The following TMC1 variants were observed in gnomAD, a reference collection of about 807,000 sequenced individuals.
TMC1 encodes transmembrane channel like 1.
A neutral mutation model predicts 105.8 loss-of-function variants in TMC1; 84 were observed. The observed-to-expected ratio is 0.79, with a 90% CI of 0.67 to 0.95. The LOEUF is 0.95. Ranked by LOEUF, TMC1 falls within the 40% of genes least tolerant of loss-of-function variation. TMC1 has a pLI of 0.00. For missense variants in TMC1, 817 were observed against 914.1 expected (o/e 0.89, Z 1.37); for synonymous variants, 315 against 311.5 (o/e 1.01, Z -0.12).
At chr9:72,530,629 T>A (rs1327426524) in intron 1 of TMC1, among the ~76,000 whole-genome samples, 1 of 152,024 alleles carries the variant, frequency 6.6e-6, no homozygotes, top group Non-Finnish European at 1.5e-5. Context: ...CTGTGCTTCT[T>A]GTTTTCTCTT....
At chr9:72,743,602 A>AT (rs756077421) in intron 10 of TMC1, among the ~76,000 whole-genome samples, 12 of 150,896 alleles carry the variant, frequency 8.0e-5, no homozygotes, top group Non-Finnish European at 1.5e-4. Flanking sequence ...AAGAAAAAAA[A>AT]CGAAGTCTTA....
At chr9:72,585,568 C>T (rs11143335) in intron 2 of TMC1, among the ~76,000 whole-genome samples, 68,421 of 151,972 alleles carry the variant, frequency 0.45, 17,449 homozygotes, top group African/African-American at 0.7. Context: ...TGGATTTTCC[C>T]ACAAAGAGAG....
chr9:72,745,929 T>G (rs555792572), intron 10 of TMC1, among the ~76,000 whole-genome samples: 30 of 152,318 alleles, frequency 2.0e-4, no homozygotes, highest in African/African-American at 6.5e-4. Context: ...CAGCTCAACA[T>G]TCTATGATGT....
chr9:72,607,985 G>T (rs10521449), intron 2 of TMC1: 1 of 151,988 alleles, frequency 6.6e-6, no homozygotes, highest in Non-Finnish European at 1.5e-5. Flanking sequence ...TGGTCACTTC[G>T]GAGCATTTTA....
intron 8 of TMC1, among the ~76,000 whole-genome samples, chr9:72,708,974 T>C (rs1041136531): frequency 4.6e-5 from 7 of 151,258 alleles, no homozygotes; most frequent in Non-Finnish European, 8.8e-5. Context: ...GGATGCTGGT[T>C]TTTGTCAAAT....
At chr9:72,633,778 G>A (rs751471216) in intron 4 of TMC1, among the ~76,000 whole-genome samples, 4 of 152,062 alleles carry the variant, frequency 2.6e-5, no homozygotes, top group Non-Finnish European at 4.4e-5. Flanking sequence ...ATGTGTGGAG[G>A]TTTTTCTACA....
chr9:72,804,509 C>A (rs1828535456), intron 17 of TMC1, among the ~76,000 whole-genome samples: 1 of 152,154 alleles, frequency 6.6e-6, no homozygotes, highest in Non-Finnish European at 1.5e-5. Context: ...ATTGTGCAGA[C>A]ATTTAATTTG....
At chr9:72,629,816 A>G (rs951117203) in intron 4 of TMC1, among the ~76,000 whole-genome samples, 15 of 152,060 alleles carry the variant, frequency 9.9e-5, no homozygotes, top group African/African-American at 3.4e-4. Flanking sequence ...ACCTTTTAAA[A>G]TTGTCTCAAT....
intron 1 of TMC1, among the ~76,000 whole-genome samples, chr9:72,523,350 G>T (rs1247693498): frequency 1.3e-5 from 2 of 152,088 alleles, no homozygotes; most frequent in African/African-American, 4.8e-5. Flanking sequence ...CCCTTGCGTA[G>T]TCAAAAATCT....
intron 2 of TMC1, among the ~76,000 whole-genome samples, chr9:72,602,564 G>T (rs1434444177): frequency 1.3e-5 from 2 of 151,828 alleles, no homozygotes; most frequent in Non-Finnish European, 1.5e-5. Flanking sequence ...TAGTAGAGAT[G>T]GGGTTTCACC....
intron 8 of TMC1, among the ~76,000 whole-genome samples, chr9:72,731,309 T>G (rs923820986): frequency 6.6e-6 from 1 of 152,160 alleles, no homozygotes; most frequent in Non-Finnish European, 1.5e-5. Context: ...GGATAACTAC[T>G]GCAGAAAGGT....
intron 1 of TMC1, among the ~76,000 whole-genome samples, chr9:72,557,227 C>G (rs181268901): frequency 1.3e-5 from 2 of 152,056 alleles, no homozygotes; most frequent in East Asian, 1.9e-4. Flanking sequence ...AAACAATAGC[C>G]GGGCGTGGTG....
At chr9:72,798,421 A>G (rs1828410513) in intron 17 of TMC1, among the ~76,000 whole-genome samples, 1 of 152,116 alleles carries the variant, frequency 6.6e-6, no homozygotes, top group Non-Finnish European at 1.5e-5. Flanking sequence ...TGTTCATTGC[A>G]GCACTATTCA....
chr9:72,827,939 C>T (rs1318020995), intron 21 of TMC1, among the ~76,000 whole-genome samples: 2 of 152,112 alleles, frequency 1.3e-5, no homozygotes, highest in South Asian at 2.1e-4. Context: ...CAGTTATTGT[C>T]GTGATCACAA....
At chr9:72,546,489 C>G (rs141282005) in intron 1 of TMC1, among the ~76,000 whole-genome samples, 2 of 152,136 alleles carry the variant, frequency 1.3e-5, no homozygotes, top group Non-Finnish European at 2.9e-5. Context: ...CTTCCGGTAA[C>G]GTCAGACCAG....
intron 2 of TMC1, among the ~76,000 whole-genome samples, chr9:72,600,675 G>A (rs191663400): frequency 4.0e-5 from 6 of 151,872 alleles, no homozygotes; most frequent in African/African-American, 1.4e-4. Context: ...CCATTTTCTT[G>A]TAGAAATAAG....
At chr9:72,651,090 GAT>G (rs1307204042) in intron 5 of TMC1, 59 of 145,658 alleles carry the variant, frequency 4.1e-4, no homozygotes, top group African/African-American at 1.4e-3. Flanking sequence ...AAAATATATA[GAT>G]ATATATATCA....
chr9:72,661,400 G>A (rs1488562041), intron 5 of TMC1, among the ~76,000 whole-genome samples: 1 of 152,146 alleles, frequency 6.6e-6, no homozygotes, highest in Non-Finnish European at 1.5e-5. Context: ...TAAACTGTTT[G>A]CCTGCATGCC....
chr9:72,796,734 G>C (rs1451880936), intron 17 of TMC1, among the ~76,000 whole-genome samples: 2 of 152,040 alleles, frequency 1.3e-5, no homozygotes, highest in African/African-American at 4.8e-5. Flanking sequence ...AAAATAATAA[G>C]AGCCTTCTAT....
Sources: gnomAD v4.1 joint callset for allele counts (sites outside exome capture counted in the v4.1 genomes callset) on GRCh38, gnomAD v4.1.1 for gene constraint, MANE v1.5 for transcripts, NCBI Gene and HGNC (gene_info 2026-07-23, HGNC 2026-07-21) for gene names.